Variants in FGF3 observed in about 807,000 individuals in gnomAD.
FGF3 encodes the protein FGF-3.
FGF3 carries 7 observed loss-of-function variants against 9.8 expected under a neutral mutation model. That is an observed-to-expected ratio of 0.72 (90% CI 0.41 to 1.35). The LOEUF is 1.35. Ranked by LOEUF, FGF3 falls within the 40% of genes most tolerant of loss-of-function variation. The pLI is 0.01. For missense variants in FGF3, 390 were observed against 345.6 expected (o/e 1.13, Z -1.02); for synonymous variants, 173 against 157.2 (o/e 1.10, Z -0.75).
intron 2 of FGF3, among the ~76,000 whole-genome samples, chr11:69,814,949 C>G (rs995908951): frequency 6.6e-6 from 1 of 152,224 alleles, no homozygotes; most frequent in African/African-American, 2.4e-5. Context: ...ATGAGGGCCC[C>G]TGCTCCCAGA....
chr11:69,818,959 G>A lies in FGF3; in HGVS notation c.-26C>T. 1 of 1,431,148 alleles carries A rather than the reference G, an allele frequency of 7.0e-7. No homozygotes were observed. Among genetic ancestry groups the A allele is most frequent in the Non-Finnish European group, 9.2e-7 (1 of 1,087,652 alleles). 88.7% of individuals were successfully genotyped at this position (1,431,148 alleles called of 1,614,324 possible). On this transcript the variant is annotated 5_prime_UTR_variant, in exon 1 of 3. Transcript: ENST00000334134. ...CGTGGCATCGCGCCCGCCCCGCGGC[G>A]GCGGCGGCTGCAGGCGAGCGCGGCG...
chr11:69,810,535 G>C lies in FGF3; in HGVS notation c.490C>G (p.Arg164Gly). 6.2e-7 allele frequency: 1 copy of C among 1,612,106 alleles called. No individual in the cohort carries two copies. The highest frequency in any genetic ancestry group is 8.5e-7 in the Non-Finnish European group (1 of 1,179,500). The change falls in exon 3 of 3, where the codon CGC (arginine) becomes GGC (glycine). Residue 164 changes from arginine to glycine, a missense_variant. Transcript: ENST00000334134. ...GTGCGGCGGGTCTTGAAGCCCCTGC[G>C]GGGCCGGCCCTTGCCGTTCACAGAC... ...YVSVNGKGRP[R>G]RGFKTRRTQK... is the part of the protein sequence containing the mutation.
chr11:69,816,354 A>T lies in FGF3; in HGVS notation c.290T>A (p.Leu97Gln). The change falls in exon 2 of 3, where the codon CTG (leucine) becomes CAG (glutamine). Residue 97 changes from leucine (L) to glutamine (Q), a missense_variant. Transcript: ENST00000334134. ...AIRGLFSGRY[L>Q]AMNKRGRLYA... ...GAGTCGTCCCCTCTTGTTCATGGCC[A>T]GGTACCGCCCGGAGAAGAGACCCCT... 6.2e-7 allele frequency: 1 copy of T among 1,614,060 alleles called. No individual in the cohort carries two copies. Among genetic ancestry groups the T allele is most frequent in the Non-Finnish European group, 8.5e-7 (1 of 1,179,966 alleles).
Position 69,810,054 on chromosome 11 carries a change from G to C in FGF3, c.*251C>G. On this transcript the variant is annotated 3_prime_UTR_variant, in exon 3 of 3. Transcript: ENST00000334134. ...GAGGCTCCTCAGTCTGCCAGGGCTGGCACTCAGGCCCTTCCCTGCCGGCTT... is the reference window on the plus strand; with the variant it reads ...GAGGCTCCTCAGTCTGCCAGGGCTGCCACTCAGGCCCTTCCCTGCCGGCTT... 2.2e-6 allele frequency: 1 copy of C among 464,998 alleles called. No homozygotes were observed. The highest frequency in any genetic ancestry group is 3.8e-6 in the Non-Finnish European group (1 of 264,076). The allele number at this position is 464,998 out of a possible 1,614,324, so 28.8% of individuals were successfully genotyped here.
In FGF3 at chr11:69,810,256, G is replaced by T; in HGVS notation, c.*49C>A. ...GGAGGAGAGTCAGAGTCAAGAGGCTGCCACGCCAAGATGTCGCCAGGAGCT... is the reference window on the plus strand; with the variant it reads ...GGAGGAGAGTCAGAGTCAAGAGGCTTCCACGCCAAGATGTCGCCAGGAGCT... On this transcript the variant is annotated 3_prime_UTR_variant, in exon 3 of 3. Transcript: ENST00000334134. 5 of 1,493,254 alleles carry T rather than the reference G, an allele frequency of 3.3e-6. No individual in the cohort carries two copies. Among genetic ancestry groups the T allele is most frequent in the Non-Finnish European group, 4.5e-6 (5 of 1,110,952 alleles). 92.5% of individuals were successfully genotyped at this position (1,493,254 alleles called of 1,614,324 possible).
chr11:69,818,766 G>C lies in FGF3; in HGVS notation c.168C>G (p.Leu56=). 6.7e-7 allele frequency: 1 copy of C among 1,497,384 alleles called. No individual in the cohort carries two copies. The highest frequency in any genetic ancestry group is 8.8e-7 in the Non-Finnish European group (1 of 1,129,974). 92.8% of individuals were successfully genotyped at this position (1,497,384 alleles called of 1,614,324 possible). ...RKLYCATKYH[L]QLHPSGRVNG... ...TGACGCGGCCGCTCGGGTGCAGCTGGAGGTGGTACTTCGTGGCGCAGTAGA... is the reference window on the plus strand; with the variant it reads ...TGACGCGGCCGCTCGGGTGCAGCTGCAGGTGGTACTTCGTGGCGCAGTAGA... The change falls in exon 1 of 3, where the codon CTC becomes CTG. Residue 56 remains leucine (L), a synonymous_variant. Transcript: ENST00000334134.
At position 69,810,401 on chromosome 11, in the gene FGF3, G is replaced by A. The variant is rs781906467; in HGVS notation, c.624C>T (p.Pro208=). 39 of 1,567,316 alleles carry A rather than the reference G, an allele frequency of 2.5e-5. No homozygotes were observed. In the Admixed American group the frequency reaches 7.2e-4, roughly 29 times the overall value. ...LPRPPGKGVQ[P]RRRRQKQSPD... ...GGCTCTGCTTCTGCCGCCGCCGTCG[G>A]GGCTGGACCCCCTTACCAGGGGGTC... Residue 208 remains proline, a synonymous_variant, in exon 3 of 3, where the codon CCC becomes CCT. Coordinates refer to ENST00000334134, the MANE Select transcript of FGF3 (RefSeq NM_005247.4).
At chr11:69,817,723 C>CCCGGGG (rs1856159157) in intron 1 of FGF3, among the ~76,000 whole-genome samples, 3 of 152,324 alleles carry the variant, frequency 2.0e-5, no homozygotes, top group African/African-American at 4.8e-5. Context: ...GCTTCCTGCG[C>CCCGGGG]CCGGGGCCGG....
At chr11:69,813,804 ATGGG>A (rs782296472) in intron 2 of FGF3, among the ~76,000 whole-genome samples, 1,411 of 54,024 alleles carry the variant, frequency 0.026, 72 homozygotes, top group Non-Finnish European at 0.031. Flanking sequence ...GGATGGATGG[ATGGG>A]TGGATGGGTG....
At chr11:69,814,065 G>A (rs1426420542) in intron 2 of FGF3, among the ~76,000 whole-genome samples, 1 of 151,902 alleles carries the variant, frequency 6.6e-6, no homozygotes, top group East Asian at 1.9e-4. Flanking sequence ...AAAGAAGGAT[G>A]AGAGAAAGGA....
At chr11:69,811,779 CAG>C (rs1425067993) in intron 2 of FGF3, among the ~76,000 whole-genome samples, 2 of 152,228 alleles carry the variant, frequency 1.3e-5, no homozygotes, top group Non-Finnish European at 2.9e-5. Flanking sequence ...ACAAGCAGGA[CAG>C]AGAGGACACC....
At position 69,810,330 on chromosome 11, in the gene FGF3, G is replaced by C; in HGVS notation, c.695C>G (p.Ser232Cys). 6.4e-7 allele frequency: 1 copy of C among 1,568,004 alleles called. No homozygotes were observed. The highest frequency in any genetic ancestry group is 8.7e-7 in the Non-Finnish European group (1 of 1,151,574). Residue 232 changes from serine (S) to cysteine (C), a missense_variant, in exon 3 of 3, where the codon TCC becomes TGC. Physicochemically the swap from Ser to Cys is moderately radical, Grantham distance 112. Coordinates refer to ENST00000334134, the MANE Select transcript of FGF3 (RefSeq NM_005247.4). The part of the protein sequence containing the change: ...PSHVQASRLG[S>C]QLEASAH ...CTAGTGCGCACTGGCCTCCAGCTGG[G>C]AGCCCAGTCTCGAAGCCTGAACGTG...
chr11:69,815,091 G>A (rs1431032005), intron 2 of FGF3, among the ~76,000 whole-genome samples: 1 of 143,866 alleles, frequency 7.0e-6, no homozygotes, highest in Non-Finnish European at 1.5e-5. Context: ...GAGTGGATGA[G>A]TGGATGGGTG....
rs1565115597 is a variant in FGF3 at position 69,815,124 on chromosome 11, TGGA to T, written c.324+1193_324+1195del. Reference sequence around the variant, plus strand: ...GTGGATAGGTGGATGGATGGATGGATGGATGGATGGATAGGTGGATGGGTGGAT... The same window carrying T: ...GTGGATAGGTGGATGGATGGATGGATTGGATGGATAGGTGGATGGGTGGAT... On this transcript the variant is annotated intron_variant, in intron 2 of 2. Transcript: ENST00000334134. 3.5e-4 allele frequency among the ~76,000 whole-genome samples: 51 copies of T among 147,318 alleles called. 1 individual carries two copies. The highest frequency in any genetic ancestry group is 3.1e-4 in the Non-Finnish European group (21 of 67,008).
At chr11:69,811,120 C>T (rs1355606900) in intron 2 of FGF3, among the ~76,000 whole-genome samples, 1 of 152,166 alleles carries the variant, frequency 6.6e-6, no homozygotes, top group Non-Finnish European at 1.5e-5. Flanking sequence ...GGCATTTGGA[C>T]AAAGGAAGAT....
chr11:69,818,315 G>A (rs1465665903), intron 1 of FGF3, among the ~76,000 whole-genome samples: 1 of 152,186 alleles, frequency 6.6e-6, no homozygotes, highest in Non-Finnish European at 1.5e-5. Context: ...CACATTCAAA[G>A]GGCTTAAACT....
Position 69,810,411 on chromosome 11 carries a change from C to G in FGF3, c.614G>C (p.Gly205Ala). 1 of 1,573,254 alleles carries G rather than the reference C, an allele frequency of 6.4e-7. No homozygotes were observed. Among genetic ancestry groups the G allele is most frequent in the Non-Finnish European group, 8.7e-7 (1 of 1,155,876 alleles). Residue 205 changes from glycine (G) to alanine (A), a missense_variant, in exon 3 of 3, where the codon GGG (glycine) becomes GCG (alanine). By Grantham distance (60) the Gly-to-Ala change is moderately conservative. Transcript: ENST00000334134. The part of the protein sequence containing the change: ...QSGLPRPPGK[G>A]VQPRRRRQKQ... ...CTGCCGCCGCCGTCGGGGCTGGACC[C>G]CCTTACCAGGGGGTCTGGGCAGCCC...
rs183495611 is a variant in FGF3 at position 69,810,719 on chromosome 11, A to G, written c.325-19T>C. ...AGTGCTCCTGCGGGGATGAGATATCATGGTCAGTGCCCCGGGGAGACTGTG... is the reference window on the plus strand; with the variant it reads ...AGTGCTCCTGCGGGGATGAGATATCGTGGTCAGTGCCCCGGGGAGACTGTG... On this transcript the variant is annotated intron_variant, in intron 2 of 2. Coordinates refer to ENST00000334134, the MANE Select transcript of FGF3 (RefSeq NM_005247.4). The G allele has an allele frequency of 1.1e-3, 1,678 of 1,560,906 alleles. 18 individuals are homozygous for G. In the African/African-American group the frequency reaches 0.02, roughly 19 times the overall value.
At chr11:69,814,828 A>T (rs573076031) in intron 2 of FGF3, among the ~76,000 whole-genome samples, 3 of 152,268 alleles carry the variant, frequency 2.0e-5, no homozygotes, top group African/African-American at 7.2e-5. Flanking sequence ...CCAGGCTGTG[A>T]GTTCTCAGGC....
Sources: gnomAD v4.1 joint callset for allele counts (sites outside exome capture counted in the v4.1 genomes callset) on GRCh38, gnomAD v4.1.1 for gene constraint, MANE v1.5 for transcripts, NCBI Gene and HGNC (gene_info 2026-07-23, HGNC 2026-07-21) for gene names.